The following ADAMTS17 variants were observed in gnomAD, a reference collection of about 807,000 sequenced individuals.
ADAMTS17 encodes the protein A disintegrin and metalloproteinase with thrombospondin motifs 17.
In ADAMTS17, 113 loss-of-function variants were observed where a neutral mutation model predicts 141.5. The observed-to-expected ratio is 0.80, with a 90% CI of 0.69 to 0.93. ADAMTS17 has a LOEUF of 0.93. Ranked by LOEUF, ADAMTS17 falls within the 40% of genes least tolerant of loss-of-function variation. The pLI is 0.00. For missense variants in ADAMTS17, 1,659 were observed against 1,517.9 expected (o/e 1.09, Z -1.54); for synonymous variants, 768 against 630.6 (o/e 1.22, Z -3.27).
chr15:99,992,155 T>A (rs7179689), intron 20 of ADAMTS17, among the ~76,000 whole-genome samples: 15,334 of 151,886 alleles, frequency 0.1, 2,374 homozygotes, highest in African/African-American at 0.33. Context: ...AAACCTGCAC[T>A]TTCTGCACAT....
At chr15:100,109,673 C>T (rs7167611) in intron 13 of ADAMTS17, among the ~76,000 whole-genome samples, 7,790 of 152,076 alleles carry the variant, frequency 0.051, 398 homozygotes, top group South Asian at 0.16. Context: ...GGGACATGTG[C>T]GCCGCTAGGA....
intron 18 of ADAMTS17, among the ~76,000 whole-genome samples, chr15:99,998,050 C>T (rs913101225): frequency 3.9e-5 from 6 of 152,212 alleles, no homozygotes; most frequent in African/African-American, 1.4e-4. Flanking sequence ...CTACAGACAG[C>T]CCGCACCACT....
intron 15 of ADAMTS17, among the ~76,000 whole-genome samples, chr15:100,086,612 C>A (rs1359101491): frequency 6.6e-6 from 1 of 152,170 alleles, no homozygotes; most frequent in African/African-American, 2.4e-5. Flanking sequence ...TACTCCTCAG[C>A]AAATGTAAAA....
chr15:99,982,468 A>T (rs192863241), intron 20 of ADAMTS17, among the ~76,000 whole-genome samples: 61 of 152,264 alleles, frequency 4.0e-4, no homozygotes, highest in Admixed American at 1.4e-3. Flanking sequence ...CTGCTGTTGA[A>T]CGACACCCTC....
At chr15:100,078,718 C>T (rs2034541957) in intron 15 of ADAMTS17, among the ~76,000 whole-genome samples, 1 of 152,154 alleles carries the variant, frequency 6.6e-6, no homozygotes, top group African/African-American at 2.4e-5. Context: ...AATAGTTTAA[C>T]TGGATTGCAT....
chr15:100,133,208 G>A lies in ADAMTS17; in HGVS notation c.1575+6C>T. On this transcript the variant is annotated splice_donor_region_variant and intron_variant, in intron 11 of 21. Coordinates refer to ENST00000268070, the MANE Select transcript of ADAMTS17 (RefSeq NM_139057.4). ...CTGTTGGGGGCAGTGGGAAGTCAGAGGTTACCTTGTCTGCCCCACACTCGG... is the reference window on the plus strand; with the variant it reads ...CTGTTGGGGGCAGTGGGAAGTCAGAAGTTACCTTGTCTGCCCCACACTCGG... The A allele has an allele frequency of 1.3e-6, 2 of 1,582,718 alleles. No homozygotes were observed. Among genetic ancestry groups the A allele is most frequent in the Non-Finnish European group, 1.7e-6 (2 of 1,162,454 alleles).
At chr15:100,159,153 C>T (rs1223079082) in intron 8 of ADAMTS17, among the ~76,000 whole-genome samples, 1 of 152,170 alleles carries the variant, frequency 6.6e-6, no homozygotes, top group Non-Finnish European at 1.5e-5. Flanking sequence ...ACCAGAATCT[C>T]CAAGAGACAT....
chr15:100,062,246 C>G lies in ADAMTS17; in HGVS notation c.2138-8192G>C, dbSNP rs146606076. Among the ~76,000 whole-genome samples the G allele has an allele frequency of 4.6e-3, 693 of 152,296 alleles. 8 individuals carry two copies. Among genetic ancestry groups the G allele is most frequent in the African/African-American group, 0.016 (673 of 41,548 alleles). ...ACTCCAGGGATGTCAAGGTCTTACC[C>G]TGGCAGCAGAAGCACGAGCGGCCGT... On this transcript the variant is annotated intron_variant, in intron 15 of 21. Transcript: ENST00000268070.
chr15:100,247,133 C>A (rs774727054), intron 7 of ADAMTS17, among the ~76,000 whole-genome samples: 8 of 152,116 alleles, frequency 5.3e-5, no homozygotes, highest in Non-Finnish European at 1.2e-4. Flanking sequence ...GTGATCCACC[C>A]ACCTCGGCCT....
intron 8 of ADAMTS17, among the ~76,000 whole-genome samples, chr15:100,164,830 G>A (rs141799532): frequency 3.3e-4 from 51 of 152,334 alleles, no homozygotes; most frequent in African/African-American, 1.2e-3. Context: ...TAAAGCTTAA[G>A]TCTTAGAGGC....
intron 7 of ADAMTS17, among the ~76,000 whole-genome samples, chr15:100,230,739 T>C (rs531502386): frequency 2.0e-5 from 3 of 152,152 alleles, no homozygotes; most frequent in African/African-American, 7.2e-5. Context: ...AAGGCACCAA[T>C]AGTGGGTAAC....
At chr15:99,977,442 C>G (rs550510392) in intron 20 of ADAMTS17, among the ~76,000 whole-genome samples, 1 of 104,782 alleles carries the variant, frequency 9.5e-6, no homozygotes, top group African/African-American at 3.9e-5. Context: ...GATGGAGTCT[C>G]GCTTTATCAC....
At chr15:100,082,456 C>G (rs1482050450) in intron 15 of ADAMTS17, among the ~76,000 whole-genome samples, 2 of 151,532 alleles carry the variant, frequency 1.3e-5, no homozygotes, top group East Asian at 1.9e-4. Context: ...TCTCAGCTAA[C>G]TGTAACCTCT....
At chr15:100,159,227 C>T (rs1056156395) in intron 8 of ADAMTS17, among the ~76,000 whole-genome samples, 3 of 152,166 alleles carry the variant, frequency 2.0e-5, no homozygotes, top group South Asian at 2.1e-4. Context: ...CCTAAACAGC[C>T]ACTGATAGAT....
intron 3 of ADAMTS17, among the ~76,000 whole-genome samples, chr15:100,284,659 G>A (rs1486311106): frequency 7.9e-5 from 12 of 152,176 alleles, no homozygotes; most frequent in Non-Finnish European, 1.8e-4. Context: ...TCCCTCAGCA[G>A]AGACCCACAG....
At chr15:100,268,498 G>A (rs1256468531) in intron 4 of ADAMTS17, among the ~76,000 whole-genome samples, 1 of 152,196 alleles carries the variant, frequency 6.6e-6, no homozygotes, top group African/African-American at 2.4e-5. Context: ...TCTCACTGGT[G>A]TGAGATGGTA....
chr15:100,232,168 G>A (rs2042504192), intron 7 of ADAMTS17, among the ~76,000 whole-genome samples: 1 of 152,206 alleles, frequency 6.6e-6, no homozygotes. Context: ...CTGGCCAGAG[G>A]CAGCTCTAGA....
chr15:100,138,309 C>T (rs963802924), intron 10 of ADAMTS17, among the ~76,000 whole-genome samples: 3 of 152,128 alleles, frequency 2.0e-5, no homozygotes, highest in Admixed American at 6.5e-5. Flanking sequence ...GAGTGATGGT[C>T]AGCAGCAACA....
chr15:100,098,540 G>A, intron 14 of ADAMTS17, among the ~76,000 whole-genome samples: 1 of 152,084 alleles, frequency 6.6e-6, no homozygotes, highest in East Asian at 1.9e-4. Context: ...ACACGCACCT[G>A]TAGTCCCAGC....
Sources: allele counts gnomAD v4.1 joint callset (sites outside exome capture counted in the v4.1 genomes callset), GRCh38; gene constraint gnomAD v4.1.1; transcripts MANE v1.5; gene names NCBI Gene and HGNC (gene_info 2026-07-23, HGNC 2026-07-21).